Variants in C12orf56 observed in about 807,000 individuals in gnomAD.
The protein encoded by C12orf56 is chromosome 12 open reading frame 56, also known as uncharacterized protein C12orf56.
A neutral mutation model predicts 69.9 loss-of-function variants in C12orf56; 71 were observed. The observed-to-expected ratio is 1.02, with a 90% CI of 0.84 to 1.24. The LOEUF is 1.24. C12orf56 is among the 50% of genes most tolerant of loss of function. The pLI, the probability that C12orf56 is intolerant of heterozygous loss-of-function variation, is 0.00. For synonymous variants in C12orf56, 276 were observed against 274.1 expected, an observed-to-expected ratio of 1.01 and a Z score of -0.07; for missense variants, 732 against 738.5, an observed-to-expected ratio of 0.99 and a Z score of 0.10.
At position 64,266,978 on chromosome 12, in the gene C12orf56, C is replaced by A; in HGVS notation, c.*205G>T. Reference sequence around the variant, plus strand: ...TTGCCCAATGGCATAAAGATCTTTGCACACTTATAATAAATCAAATTTATT... The same window carrying A: ...TTGCCCAATGGCATAAAGATCTTTGAACACTTATAATAAATCAAATTTATT... On this transcript the variant is annotated 3_prime_UTR_variant, in exon 13 of 13. Transcript: ENST00000543942. 2.1e-6 allele frequency: 1 copy of A among 480,434 alleles called. No homozygotes were observed. Among genetic ancestry groups the A allele is most frequent in the Non-Finnish European group, 3.6e-6 (1 of 278,786 alleles). The allele number at this position is 480,434 out of a possible 1,614,324, so 29.8% of individuals were successfully genotyped here.
intron 2 of C12orf56, chr12:64,338,080 A>T (rs557099275): frequency 1.7e-5 from 7 of 421,910 alleles, no homozygotes; most frequent in South Asian, 1.3e-4. Context: ...GGCAGTAAAG[A>T]GGAAGCTACA....
chr12:64,286,122 T>C (rs2038198876), intron 6 of C12orf56, 62 bp from the exon 7 acceptor site: 1 of 973,222 alleles, frequency 1.0e-6, no homozygotes, highest in South Asian at 1.6e-5. Flanking sequence ...AATTCTCTAC[T>C]CTCATGTACT....
Position 64,308,768 on chromosome 12 carries a change from G to A in C12orf56, c.968+3911C>T, listed in dbSNP as rs7964829. On this transcript the variant is annotated intron_variant, in intron 5 of 12. Transcript: ENST00000543942. ...TAAGGCAGGAGAATTGCTTGAACCCGGGTGGTGGAGGTTGCAGTGAGCCGA... is the reference window on the plus strand; with the variant it reads ...TAAGGCAGGAGAATTGCTTGAACCCAGGTGGTGGAGGTTGCAGTGAGCCGA... 1.1e-4 allele frequency among the ~76,000 whole-genome samples: 17 copies of A among 150,392 alleles called. No homozygotes were observed. In the East Asian group the frequency reaches 1.4e-3, roughly 12 times the overall value.
At chr12:64,267,529 C>G (rs1370962990) in intron 12 of C12orf56, 1 of 497,484 alleles carries the variant, frequency 2.0e-6, no homozygotes, top group African/African-American at 2.0e-5. Context: ...GACATGTGGA[C>G]TGTCCTCACC....
intron 1 of C12orf56, among the ~76,000 whole-genome samples, chr12:64,371,904 T>TTTC (rs1491275744): frequency 8.0e-6 from 1 of 125,730 alleles, no homozygotes; most frequent in African/African-American, 4.2e-5. Context: ...CAATGATTTC[T>TTTC]TTTTTTTTTT....
intron 3 of C12orf56, among the ~76,000 whole-genome samples, chr12:64,328,706 AATATATATATAT>A (rs138783628): frequency 0.012 from 181 of 15,094 alleles, 6 homozygotes; most frequent in African/African-American, 0.032. Context: ...AAAAAAAAAA[AATATATATATAT>A]ATATATATAT....
rs141824080 is a variant in C12orf56, at chr12:64,348,567, G to A, written c.415+4327C>T. 1.9e-4 allele frequency among the ~76,000 whole-genome samples: 29 copies of A among 152,182 alleles called. No homozygotes were observed. The East Asian group carries it at 5.6e-3, about 29-fold the overall frequency. Reference sequence around the variant, plus strand: ...AGTTTCAAAATTGTCTTTCTTGATGGCTAGCTTTTGGATGCTACAGAGGGC... The same window carrying A: ...AGTTTCAAAATTGTCTTTCTTGATGACTAGCTTTTGGATGCTACAGAGGGC... On this transcript the variant is annotated intron_variant, in intron 2 of 12. Transcript: ENST00000543942.
intron 2 of C12orf56, among the ~76,000 whole-genome samples, chr12:64,334,751 A>G (rs2038971659): frequency 6.6e-6 from 1 of 152,166 alleles, no homozygotes; most frequent in African/African-American, 2.4e-5. Context: ...TGGTATTACT[A>G]AACTTTGGTT....
intron 2 of C12orf56, among the ~76,000 whole-genome samples, chr12:64,350,362 G>A (rs563391038): frequency 2.6e-5 from 4 of 152,248 alleles, no homozygotes; most frequent in South Asian, 2.1e-4. Flanking sequence ...GTTTGAATAC[G>A]TCATTGCATT....
intron 3 of C12orf56, among the ~76,000 whole-genome samples, chr12:64,328,728 T>TGG (rs2038886628): frequency 2.0e-5 from 2 of 102,240 alleles, no homozygotes; most frequent in African/African-American, 3.5e-5. Context: ...TATATATATA[T>TGG]ATATATATAG....
rs2037914994 is a variant in C12orf56 at position 64,265,779 on chromosome 12, T to A, written c.*1404A>T. 6.6e-6 allele frequency: 1 copy of A among 152,252 alleles called. No individual in the cohort carries two copies. Among genetic ancestry groups the A allele is most frequent in the South Asian group, 2.1e-4 (1 of 4,838 alleles). The allele number at this position is 152,252 out of a possible 1,614,324, so 9.4% of individuals were successfully genotyped here. A position where few individuals can be genotyped will look rare whatever the true frequency, so the allele number is the denominator to read the frequency against. ...TAAGTTGAATGGAGAGTCCAGTTCC[T>A]ATGTTCTTAGAAGTCCAAATTCAAC... On this transcript the variant is annotated 3_prime_UTR_variant, in exon 13 of 13. Coordinates refer to ENST00000543942, the MANE Select transcript of C12orf56 (RefSeq NM_001170633.2).
At chr12:64,314,382 T>C (rs2038663072) in intron 4 of C12orf56, among the ~76,000 whole-genome samples, 2 of 152,134 alleles carry the variant, frequency 1.3e-5, no homozygotes. Context: ...CATAAGCCAC[T>C]GCATCCAACC....
At chr12:64,334,192 C>T (rs1282427641) in intron 2 of C12orf56, among the ~76,000 whole-genome samples, 2 of 152,202 alleles carry the variant, frequency 1.3e-5, no homozygotes, top group Admixed American at 1.3e-4. Flanking sequence ...CAATTATATT[C>T]ATAAAGTCCC....
intron 1 of C12orf56, among the ~76,000 whole-genome samples, chr12:64,368,557 A>G (rs2039528689): frequency 6.6e-6 from 1 of 152,192 alleles, no homozygotes; most frequent in Non-Finnish European, 1.5e-5. Context: ...TTAGAAATCA[A>G]GATTCTGAGT....
chr12:64,327,259 C>G (rs1323710534), intron 3 of C12orf56, among the ~76,000 whole-genome samples: 2 of 151,970 alleles, frequency 1.3e-5, no homozygotes, highest in Non-Finnish European at 2.9e-5. Context: ...ACTGAGATAC[C>G]AGGGAAGGCT....
chr12:64,353,314 C>T (rs1264563057), intron 1 of C12orf56, among the ~76,000 whole-genome samples: 1 of 152,066 alleles, frequency 6.6e-6, no homozygotes, highest in African/African-American at 2.4e-5. Context: ...TGAGCCACCA[C>T]ACCTGGCTAA....
chr12:64,281,102 C>G (rs898840957), intron 8 of C12orf56, among the ~76,000 whole-genome samples: 1 of 151,482 alleles, frequency 6.6e-6, no homozygotes, highest in Admixed American at 6.6e-5. Flanking sequence ...GGTGAAACCC[C>G]GTCTCTACTA....
Position 64,308,704 on chromosome 12 carries a change from G to A in C12orf56, c.968+3975C>T, listed in dbSNP as rs573190933. ...TTAAAAACACAAAAATTAGCAGGGC[G>A]TGGTGGTGCATGCCTGTAATCCTGG... On this transcript the variant is annotated intron_variant, in intron 5 of 12. Transcript: ENST00000543942. Among the ~76,000 whole-genome samples the A allele has an allele frequency of 8.6e-5, 13 of 151,394 alleles. No homozygotes were observed. In the South Asian group the frequency reaches 1.3e-3, roughly 15 times the overall value.
intron 6 of C12orf56, among the ~76,000 whole-genome samples, chr12:64,297,558 A>G (rs979689273): frequency 1.3e-5 from 2 of 152,014 alleles, no homozygotes; most frequent in Admixed American, 1.3e-4. Context: ...GACAGGCCCC[A>G]ATGTGTGATG....
Sources: allele counts gnomAD v4.1 joint callset (sites outside exome capture counted in the v4.1 genomes callset), GRCh38; gene constraint gnomAD v4.1.1; transcripts MANE v1.5; gene names NCBI Gene and HGNC (gene_info 2026-07-23, HGNC 2026-07-21).